The following ARHGAP39 variants were observed in gnomAD, a reference collection of about 807,000 sequenced individuals.
The protein encoded by ARHGAP39 is Rho GTPase activating protein 39, also known as rho GTPase-activating protein 39.
In ARHGAP39, 44 loss-of-function variants were observed where a neutral mutation model predicts 106.9. The observed-to-expected ratio is 0.41, with a 90% CI of 0.32 to 0.53. The LOEUF is 0.53. Ranked by LOEUF, ARHGAP39 falls within the 20% of genes least tolerant of loss-of-function variation. The pLI, the probability that ARHGAP39 is intolerant of heterozygous loss-of-function variation, is 0.21. For missense variants in ARHGAP39, 1,496 were observed against 1,577.3 expected, an observed-to-expected ratio of 0.95 and a Z score of 0.87; for synonymous variants, 768 against 693.2, an observed-to-expected ratio of 1.11 and a Z score of -1.69.
chr8:144,578,096 TG>T (rs1398366830), intron 3 of ARHGAP39, among the ~76,000 whole-genome samples: 1 of 152,190 alleles, frequency 6.6e-6, no homozygotes, highest in East Asian at 1.9e-4. Flanking sequence ...AGAATAAAGC[TG>T]GAAGACTCAC....
At chr8:144,543,100 G>C (rs1023149290) in intron 6 of ARHGAP39, among the ~76,000 whole-genome samples, 2 of 151,952 alleles carry the variant, frequency 1.3e-5, no homozygotes, top group Non-Finnish European at 2.9e-5. Flanking sequence ...CTCCCAAGTA[G>C]TTGGGACCAC....
rs1819374660 is a variant in ARHGAP39 at position 144,591,080 on chromosome 8, C to T, written c.81-9803G>A. On this transcript the variant is annotated intron_variant, in intron 2 of 11. Transcript: ENST00000377307. This position sits in a 1 kb window ranked among gnomAD's most constrained non-coding sequence, Gnocchi z 5.3. ...CCCCTGGTCCACTCCTCAGCCTGGC[C>T]GGTCTCTGTCACCTTTGCTTCCATG... is the stretch of plus-strand genomic sequence containing the variant. Among the ~76,000 whole-genome samples, 2 of 152,194 alleles carry T rather than the reference C, an allele frequency of 1.3e-5. No homozygotes were observed. Among genetic ancestry groups the T allele is most frequent in the Admixed American group, 6.5e-5 (1 of 15,282 alleles).
chr8:144,640,227 C>G (rs1821277280), intron 1 of ARHGAP39, among the ~76,000 whole-genome samples: 1 of 152,148 alleles, frequency 6.6e-6, no homozygotes, highest in East Asian at 1.9e-4. Context: ...ACACGGGGGA[C>G]TGACAGGGAC....
At chr8:144,549,323 A>AC (rs1817608548) in intron 4 of ARHGAP39, among the ~76,000 whole-genome samples, 1 of 152,228 alleles carries the variant, frequency 6.6e-6, no homozygotes, top group South Asian at 2.1e-4. Context: ...GGGCCCCTCC[A>AC]CCACCTTCTG....
At chr8:144,545,902 G>A in intron 5 of ARHGAP39, 92 bp from the exon 6 acceptor site, 2 of 1,234,676 alleles carry the variant, frequency 1.6e-6, no homozygotes, top group Non-Finnish European at 2.2e-6. Context: ...GTGTGAGCTG[G>A]GGCCCCACCA....
chr8:144,650,025 C>G (rs1249544035), intron 1 of ARHGAP39, among the ~76,000 whole-genome samples: 4 of 151,984 alleles, frequency 2.6e-5, no homozygotes, highest in Non-Finnish European at 4.4e-5. Flanking sequence ...CGCCTGTAAT[C>G]CCAGCTACTT....
Position 144,674,485 on chromosome 8 carries a change from T to C in ARHGAP39, c.-82+11201A>G, listed in dbSNP as rs866938114. ...TATGGGCTTCAGAGGGGAGAAAGTA[T>C]GTGCTGAATGGTTCACGGGTGGCCA... On this transcript the variant is annotated intron_variant, in intron 1 of 11. Transcript: ENST00000377307. Among the ~76,000 whole-genome samples the C allele has an allele frequency of 2.6e-5, 4 of 152,326 alleles. No individual in the cohort carries two copies. The Middle Eastern group carries it at 0.01, about 389-fold the overall frequency.
intron 4 of ARHGAP39, 151 bp downstream of exon 4, chr8:144,555,409 G>A (rs1817878926): frequency 2.8e-6 from 2 of 703,854 alleles, no homozygotes; most frequent in Non-Finnish European, 2.5e-6. Flanking sequence ...CTCCTGTCCA[G>A]GCCCCTGGCC....
At chr8:144,545,127 G>T in intron 6 of ARHGAP39, 122 bp downstream of exon 6, 1 of 918,060 alleles carries the variant, frequency 1.1e-6, no homozygotes, top group Non-Finnish European at 1.5e-6. Flanking sequence ...TGGGAGGTGT[G>T]TGTCGAACCA....
chr8:144,605,725 T>C (rs1820265783), intron 1 of ARHGAP39, 30 bp from the exon 2 acceptor site: 2 of 1,036,606 alleles, frequency 1.9e-6, no homozygotes, highest in Non-Finnish European at 2.9e-6. Flanking sequence ...ACAGTGCTGA[T>C]ATGGAAGACG....
intron 1 of ARHGAP39, among the ~76,000 whole-genome samples, chr8:144,674,265 G>A (rs551305831): frequency 3.7e-4 from 56 of 152,192 alleles, no homozygotes; most frequent in Non-Finnish European, 5.7e-4. Context: ...GAGAGTGAGC[G>A]AGGTGGAGAG....
At chr8:144,545,003 A>C (rs1262718814) in intron 6 of ARHGAP39, among the ~76,000 whole-genome samples, 1 of 152,214 alleles carries the variant, frequency 6.6e-6, no homozygotes, top group Non-Finnish European at 1.5e-5. Flanking sequence ...GGATGCGGCC[A>C]TTGAGGCCCC....
chr8:144,597,905 G>T (rs1819682724), intron 2 of ARHGAP39, among the ~76,000 whole-genome samples: 1 of 152,138 alleles, frequency 6.6e-6, no homozygotes, highest in Non-Finnish European at 1.5e-5. Context: ...GAACAGACAG[G>T]GATGCGTCCA....
chr8:144,587,925 G>C (rs1025426744), intron 2 of ARHGAP39, among the ~76,000 whole-genome samples: 7 of 152,186 alleles, frequency 4.6e-5, no homozygotes, highest in Non-Finnish European at 8.8e-5. Flanking sequence ...TTACAGGCGT[G>C]AGCCACCGCG....
intron 1 of ARHGAP39, among the ~76,000 whole-genome samples, chr8:144,678,998 G>A (rs1265344055): frequency 1.3e-5 from 2 of 152,098 alleles, no homozygotes; most frequent in African/African-American, 4.8e-5. Flanking sequence ...ACCTGGAGCC[G>A]TACCACATGG....
intron 1 of ARHGAP39, among the ~76,000 whole-genome samples, chr8:144,674,406 T>C (rs1432456122): frequency 6.6e-6 from 1 of 152,228 alleles, no homozygotes; most frequent in African/African-American, 2.4e-5. Flanking sequence ...TCCTATCCTA[T>C]CTGCAGGCAG....
chr8:144,540,778 A>G (rs1817157247), intron 6 of ARHGAP39, among the ~76,000 whole-genome samples: 1 of 152,208 alleles, frequency 6.6e-6, no homozygotes, highest in African/African-American at 2.4e-5. Context: ...TCCCTGGGCA[A>G]TACAGTGAGA....
intron 6 of ARHGAP39, 149 bp from the exon 7 acceptor site, chr8:144,537,962 G>A (rs1303894090): frequency 1.6e-5 from 11 of 680,800 alleles, no homozygotes; most frequent in South Asian, 1.4e-4. Flanking sequence ...CTGGGGGGAC[G>A]TGGCTGTGTG....
intron 1 of ARHGAP39, among the ~76,000 whole-genome samples, chr8:144,643,816 G>C (rs935431883): frequency 3.3e-5 from 5 of 152,072 alleles, no homozygotes; most frequent in African/African-American, 1.2e-4. Flanking sequence ...CTTCTTAATG[G>C]TGTATTTTGA....
Sources: gnomAD v4.1 joint callset for allele counts (sites outside exome capture counted in the v4.1 genomes callset) on GRCh38, gnomAD v4.1.1 for gene constraint, Gnocchi (gnomAD v3.1) non-coding constraint, MANE v1.5 for transcripts, NCBI Gene and HGNC (gene_info 2026-07-23, HGNC 2026-07-21) for gene names.